The following DHX9 variants were observed in gnomAD, a reference collection of about 807,000 sequenced individuals.
The protein encoded by DHX9 is DExH-box helicase 9.
Under a neutral mutation model 148.7 loss-of-function variants are expected in DHX9, and 27 were observed. That is an observed-to-expected ratio of 0.18 (90% CI 0.13 to 0.25). The LOEUF is 0.25. Ranked by LOEUF, DHX9 falls within the 10% of genes least tolerant of loss-of-function variation. DHX9 has a pLI of 1.00. For missense variants in DHX9, 796 were observed against 1,559.6 expected, an observed-to-expected ratio of 0.51 and a Z score of 8.25; for synonymous variants, 529 against 516.6, an observed-to-expected ratio of 1.02 and a Z score of -0.33.
chr1:182,849,317 C>G lies in DHX9; in HGVS notation c.253-2916C>G, dbSNP rs146181447. 8.5e-5 allele frequency among the ~76,000 whole-genome samples: 13 copies of G among 152,316 alleles called. No individual in the cohort carries two copies. In the East Asian group the frequency reaches 2.5e-3, roughly 29 times the overall value. On this transcript the variant is annotated intron_variant, in intron 3 of 27. Transcript: ENST00000367549. ...CACTTTCAATTTTACTCATTTCTAA[C>G]TACTCCCCTTTCTTAGATTATTTTG...
intron 3 of DHX9, among the ~76,000 whole-genome samples, chr1:182,846,491 C>T (rs1668032227): frequency 6.6e-6 from 1 of 152,218 alleles, no homozygotes; most frequent in Non-Finnish European, 1.5e-5. Flanking sequence ...GCCTTGGCCT[C>T]CCAAAGTGCT....
chr1:182,856,870 G>A (rs1276513606), intron 7 of DHX9, among the ~76,000 whole-genome samples: 1 of 152,106 alleles, frequency 6.6e-6, no homozygotes. Flanking sequence ...TGTTTTTTGA[G>A]ACGGAGTCTT....
intron 13 of DHX9, 140 bp from the exon 14 acceptor site, chr1:182,866,821 A>G (rs1648315900): frequency 2.6e-6 from 2 of 776,982 alleles, no homozygotes; most frequent in East Asian, 2.6e-5. Context: ...ATAGTACACT[A>G]TCACTTTTTA....
At chr1:182,884,891 G>A in intron 27 of DHX9, 78 bp downstream of exon 27, 3 of 1,358,850 alleles carry the variant, frequency 2.2e-6, no homozygotes, top group South Asian at 1.2e-5. Flanking sequence ...TGAAGTTAGT[G>A]ATAGAAGCCC....
Position 182,852,307 on chromosome 1 carries a change from G to GGGA in DHX9, c.331_333dup (p.Gly111dup). The stretch of plus-strand genomic sequence containing the variant: ...CTGAAGGAGATTTACCAACAACCAT[G>GGGA]GGAGGACCTCTTCCTCCACATCTGG... On this transcript the variant is annotated inframe_insertion, in exon 4 of 28. Transcript: ENST00000367549. The GGGA allele has an allele frequency of 6.2e-7, 1 of 1,612,840 alleles. No individual in the cohort carries two copies. Among genetic ancestry groups the GGGA allele is most frequent in the Non-Finnish European group, 8.5e-7 (1 of 1,179,530 alleles).
chr1:182,842,206 A>G (rs1342713717), intron 1 of DHX9, among the ~76,000 whole-genome samples: 8 of 152,220 alleles, frequency 5.3e-5, no homozygotes, highest in South Asian at 2.1e-4. Flanking sequence ...AGTTAAATAT[A>G]TAAGGTGCCC....
At chr1:182,886,721 C>T (rs1649347737) in intron 27 of DHX9, among the ~76,000 whole-genome samples, 1 of 152,178 alleles carries the variant, frequency 6.6e-6, no homozygotes, top group Admixed American at 6.5e-5. Context: ...AGAATTATTG[C>T]AGGAAAACAT....
At chr1:182,843,896 C>T (rs557998155) in intron 3 of DHX9, among the ~76,000 whole-genome samples, 2 of 152,316 alleles carry the variant, frequency 1.3e-5, no homozygotes, top group East Asian at 3.9e-4. Context: ...CTCTTGGGCT[C>T]AAGCAGTCCT....
intron 12 of DHX9, 150 bp downstream of exon 12, chr1:182,860,334 T>A: frequency 1.5e-6 from 1 of 656,020 alleles, no homozygotes; most frequent in Non-Finnish European, 2.4e-6. Flanking sequence ...AACAACGTAG[T>A]CTTTTTCTAA....
At chr1:182,868,519 C>CTTTTTTTTTTTTTTTT (rs1557974014) in intron 14 of DHX9, among the ~76,000 whole-genome samples, 1 of 118,718 alleles carries the variant, frequency 8.4e-6, no homozygotes, top group African/African-American at 5.2e-5. Context: ...TATTTTAATT[C>CTTTTTTTTTTTTTTTT]CTTTTTTTTT....
intron 4 of DHX9, among the ~76,000 whole-genome samples, chr1:182,852,902 T>A (rs1668180873): frequency 7.5e-6 from 1 of 134,090 alleles, no homozygotes; most frequent in Non-Finnish European, 1.5e-5. Context: ...ATATTTACTG[T>A]TTATTGAATA....
Position 182,884,610 on chromosome 1 carries a change from T to C in DHX9, c.3261-3T>C, listed in dbSNP as rs1402850844. The C allele has an allele frequency of 1.9e-6, 3 of 1,613,842 alleles. No homozygotes were observed. Among genetic ancestry groups the C allele is most frequent in the Admixed American group, 3.3e-5 (2 of 59,978 alleles). ...TTATTTTTAATGTATTTCGCCACTT[T>C]AGGATTAAACTGCAAATATCTCATG... On this transcript the variant is annotated splice_polypyrimidine_tract_variant and splice_region_variant and intron_variant, in intron 26 of 27. Coordinates refer to ENST00000367549, the MANE Select transcript of DHX9 (RefSeq NM_001357.5).
At position 182,874,935 on chromosome 1, in the gene DHX9, A is replaced by G. The variant is rs757918330; in HGVS notation, c.1796A>G (p.Asp599Gly). The G allele has an allele frequency of 2.5e-6, 4 of 1,612,880 alleles. No homozygotes were observed. Among genetic ancestry groups the G allele is most frequent in the Non-Finnish European group, 2.5e-6 (3 of 1,179,076 alleles). Reference sequence around the variant, plus strand: ...AAAAAGAAGAAGGATAAGGATGATGATGGTGGTGAGGATGATGATGTAAGT... The same window carrying G: ...AAAAAGAAGAAGGATAAGGATGATGGTGGTGGTGAGGATGATGATGTAAGT... ...KDKKKKDKDD[D>G]GGEDDDANCN... is the part of the protein sequence containing the mutation. The change falls in exon 16 of 28, where the codon GAT becomes GGT. Residue 599 changes from aspartate (D) to glycine (G), a missense_variant. Asp to Gly is a moderately conservative substitution (Grantham distance 94). Coordinates refer to ENST00000367549, the MANE Select transcript of DHX9 (RefSeq NM_001357.5).
At chr1:182,877,025 T>G (rs769134527) in intron 19 of DHX9, 122 bp downstream of exon 19, 111 of 638,110 alleles carry the variant, frequency 1.7e-4, no homozygotes, top group Admixed American at 6.2e-4. Flanking sequence ...CCAAAATTAT[T>G]GTGCATCTAT....
At chr1:182,858,421 A>G (rs1225228115) in intron 8 of DHX9, 130 bp from the exon 9 acceptor site, 2 of 1,072,404 alleles carry the variant, frequency 1.9e-6, no homozygotes, top group Non-Finnish European at 2.7e-6. Flanking sequence ...TAATCATTGA[A>G]GTAATTCTCT....
chr1:182,869,705 G>A (rs1345800872), intron 14 of DHX9, among the ~76,000 whole-genome samples: 2 of 152,214 alleles, frequency 1.3e-5, no homozygotes, highest in East Asian at 1.9e-4. Context: ...CCGCCCCTGA[G>A]TTCAGGCGAT....
intron 3 of DHX9, 107 bp from the exon 4 acceptor site, chr1:182,852,126 A>G: frequency 1.6e-6 from 1 of 624,512 alleles, no homozygotes; most frequent in Non-Finnish European, 2.8e-6. Flanking sequence ...TGGTAATATT[A>G]CAAAGAAAGG....
intron 3 of DHX9, among the ~76,000 whole-genome samples, chr1:182,844,012 GA>G: frequency 6.6e-6 from 1 of 152,182 alleles, no homozygotes; most frequent in Non-Finnish European, 1.5e-5. Flanking sequence ...AGGCTGGAGT[GA>G]TCTCGGCTCA....
intron 12 of DHX9, among the ~76,000 whole-genome samples, chr1:182,861,590 A>C (rs541860299): frequency 6.6e-6 from 1 of 152,336 alleles, no homozygotes; most frequent in South Asian, 2.1e-4. Context: ...AAAGAAGCAG[A>C]ATTTAACAAG....
Sources: gnomAD v4.1 joint callset for allele counts (sites outside exome capture counted in the v4.1 genomes callset) on GRCh38, gnomAD v4.1.1 for gene constraint, MANE v1.5 for transcripts, NCBI Gene and HGNC (gene_info 2026-07-23, HGNC 2026-07-21) for gene names.